ARB2A: variants seen among roughly 807,000 people sequenced by gnomAD.
ARB2A encodes the protein ARB2 cotranscriptional regulator A.
the ARB2A span, among the ~76,000 whole-genome samples, chr5:94,078,387 G>A: frequency 1.3e-5 from 2 of 152,136 alleles, no homozygotes; most frequent in Non-Finnish European, 2.9e-5. Flanking sequence ...GGATTTATAA[G>A]GAACCAAAAG....
chr5:93,621,244 C>T, the ARB2A span: 2 of 931,124 alleles, frequency 2.1e-6, no homozygotes, highest in South Asian at 1.0e-4. Flanking sequence ...CCCCTCCCCG[C>T]CCCTCCCGCC....
the ARB2A span, among the ~76,000 whole-genome samples, chr5:93,676,461 G>A: frequency 2.6e-5 from 4 of 152,126 alleles, no homozygotes; most frequent in African/African-American, 9.7e-5. Context: ...TCCACTGAAC[G>A]TATGAATGAT....
the ARB2A span, among the ~76,000 whole-genome samples, chr5:93,857,259 C>T: frequency 6.6e-6 from 1 of 152,142 alleles, no homozygotes; most frequent in African/African-American, 2.4e-5. Context: ...AGGAGGCAGT[C>T]TGCCCATTCT....
the ARB2A span, among the ~76,000 whole-genome samples, chr5:93,621,624 A>T: frequency 6.6e-6 from 1 of 152,224 alleles, no homozygotes; most frequent in Admixed American, 6.5e-5. Context: ...TGCGTGCGGG[A>T]TCGCACAGCG....
chr5:93,985,880 G>A, the ARB2A span, among the ~76,000 whole-genome samples: 12 of 152,004 alleles, frequency 7.9e-5, no homozygotes, highest in Admixed American at 3.3e-4. Flanking sequence ...CTGCCTGGCC[G>A]CCCATCATCT....
the ARB2A span, among the ~76,000 whole-genome samples, chr5:93,769,205 G>A: frequency 6.6e-6 from 1 of 152,010 alleles, no homozygotes; most frequent in African/African-American, 2.4e-5. Context: ...CTATCACTGT[G>A]AAACTTTTAG....
chr5:94,046,309 C>A, the ARB2A span, among the ~76,000 whole-genome samples: 2 of 152,140 alleles, frequency 1.3e-5, no homozygotes, highest in African/African-American at 4.8e-5. Context: ...TTACCTCCCC[C>A]TCACCAGACA....
At chr5:93,997,674 G>A in the ARB2A span, among the ~76,000 whole-genome samples, 1 of 151,882 alleles carries the variant, frequency 6.6e-6, no homozygotes, top group African/African-American at 2.4e-5. Context: ...TGCAATGTAT[G>A]ACTTAATAAC....
chr5:94,043,166 A>G, the ARB2A span, among the ~76,000 whole-genome samples: 1 of 152,136 alleles, frequency 6.6e-6, no homozygotes. Flanking sequence ...AAAAACTTTC[A>G]GGACTCTCAT....
chr5:93,705,513 C>T, the ARB2A span, among the ~76,000 whole-genome samples: 17 of 151,570 alleles, frequency 1.1e-4, no homozygotes, highest in East Asian at 7.8e-4. Context: ...TATTTTAAGG[C>T]GCATCAGATT....
chr5:93,636,383 G>A, the ARB2A span, among the ~76,000 whole-genome samples: 4 of 152,188 alleles, frequency 2.6e-5, no homozygotes, highest in African/African-American at 4.8e-5. Context: ...TAATGTGGTG[G>A]TATCTGGAGA....
At chr5:93,827,743 G>A in the ARB2A span, among the ~76,000 whole-genome samples, 5 of 151,662 alleles carry the variant, frequency 3.3e-5, no homozygotes, top group African/African-American at 1.2e-4. Flanking sequence ...TAACGTTTAA[G>A]TCTTTAATCC....
At chr5:94,062,848 A>T in the ARB2A span, among the ~76,000 whole-genome samples, 1 of 152,242 alleles carries the variant, frequency 6.6e-6, no homozygotes, top group Non-Finnish European at 1.5e-5. Context: ...CACCTGGGCA[A>T]AAATGCAAGC....
chr5:94,086,656 G>A, the ARB2A span, among the ~76,000 whole-genome samples: 6 of 152,208 alleles, frequency 3.9e-5, no homozygotes, highest in African/African-American at 1.4e-4. Context: ...GGATTCAAGC[G>A]ATTCTCCTGC....
chr5:93,879,782 G>GGCAAAAAAAAATTGTTT, the ARB2A span, among the ~76,000 whole-genome samples: 1 of 151,524 alleles, frequency 6.6e-6, no homozygotes, highest in East Asian at 1.9e-4. Flanking sequence ...ACATGTCACA[G>GGCAAAAAAAAATTGTTT]GCAAAAAAAA....
At chr5:93,996,768 A>G in the ARB2A span, among the ~76,000 whole-genome samples, 6 of 152,094 alleles carry the variant, frequency 3.9e-5, no homozygotes. Flanking sequence ...GTTATATTCT[A>G]GGAAATAATT....
At chr5:93,804,350 A>T in the ARB2A span, among the ~76,000 whole-genome samples, 2 of 152,014 alleles carry the variant, frequency 1.3e-5, no homozygotes, top group African/African-American at 4.8e-5. Context: ...CATGCATATC[A>T]TATCTGCAAG....
the ARB2A span, among the ~76,000 whole-genome samples, chr5:94,068,862 CAA>C: frequency 2.9e-4 from 18 of 62,330 alleles, no homozygotes; most frequent in African/African-American, 8.1e-4. Context: ...ACTAAAAATA[CAA>C]AAAAAAAAAA....
the ARB2A span, among the ~76,000 whole-genome samples, chr5:93,692,909 C>T: frequency 7.3e-3 from 1,108 of 152,212 alleles, 13 homozygotes; most frequent in African/African-American, 0.026. Context: ...CACTCAAAAC[C>T]GCACAACTAC....
Sources: allele counts gnomAD v4.1 joint callset (sites outside exome capture counted in the v4.1 genomes callset), GRCh38; gene constraint gnomAD v4.1.1; transcripts MANE v1.5; gene names NCBI Gene and HGNC (gene_info 2026-07-23, HGNC 2026-07-21).